Variants in TPO observed in about 807,000 individuals in gnomAD.
The protein encoded by TPO is thyroid peroxidase.
TPO carries 78 observed loss-of-function variants against 96.9 expected under a neutral mutation model. The observed-to-expected ratio is 0.81, with a 90% CI of 0.67 to 0.97. TPO has a LOEUF of 0.97. Ranked by LOEUF, TPO falls within the 50% of genes least tolerant of loss-of-function variation. The probability of loss-of-function intolerance (pLI) is 0.00; values close to 1 mark genes in which losing one functional copy is unlikely to be tolerated. For synonymous variants in TPO, 547 were observed against 538.0 expected (o/e 1.02, Z -0.23); for missense variants, 1,252 against 1,274.8 (o/e 0.98, Z 0.27).
In TPO at chr2:1,524,163, A is replaced by ACTGTGTGCAACCTCCTCAAATCCCCATC. The variant is rs549715253; in HGVS notation, c.2618+7205_2618+7232dup. Among the ~76,000 whole-genome samples the ACTGTGTGCAACCTCCTCAAATCCCCATC allele has an allele frequency of 4.0e-3, 466 of 116,976 alleles. 6 individuals carry two copies. The highest frequency in any genetic ancestry group is 0.013 in the Middle Eastern group (2 of 158). 76.7% of individuals were successfully genotyped at this position (116,976 alleles called of 152,430 possible). A position where few individuals can be genotyped will look rare whatever the true frequency, so the allele number is the denominator to read the frequency against. On this transcript the variant is annotated intron_variant, in intron 15 of 16. Coordinates refer to ENST00000329066, the MANE Select transcript of TPO (RefSeq NM_001206744.2). ...TGTGCAACCTCCCAAAATCCCCCAA[A>ACTGTGTGCAACCTCCTCAAATCCCCATC]CTGTGTGCAACCTCCTCAAATCCCC...
Position 1,487,949 on chromosome 2 carries a change from G to A in TPO, c.1726G>A (p.Ala576Thr), listed in dbSNP as rs1042215615. The change falls in exon 10 of 17, where the codon GCG (alanine) becomes ACG (threonine). Residue 576 changes from alanine to threonine, a missense_variant. Physicochemically the swap from Ala to Thr is moderately conservative, Grantham distance 58. Transcript: ENST00000329066. ...GTCCAATTCCAGCACCTTGGATCTGGCGTCCATCAACCTGCAGAGGGGCCG... is the reference window on the plus strand; with the variant it reads ...GTCCAATTCCAGCACCTTGGATCTGACGTCCATCAACCTGCAGAGGGGCCG... ...VLSNSSTLDL[A>T]SINLQRGRDH... 1 of 1,613,870 alleles carries A rather than the reference G, an allele frequency of 6.2e-7. No individual in the cohort carries two copies. Among genetic ancestry groups the A allele is most frequent in the Admixed American group, 1.7e-5 (1 of 60,002 alleles).
At chr2:1,468,398 T>A (rs2148643477) in intron 7 of TPO, among the ~76,000 whole-genome samples, 1 of 152,290 alleles carries the variant, frequency 6.6e-6, no homozygotes, top group Non-Finnish European at 1.5e-5. Flanking sequence ...AGTGCTGCCT[T>A]GGTAGGGGTG....
At chr2:1,520,374 G>A (rs1195065646) in intron 15 of TPO, among the ~76,000 whole-genome samples, 1 of 152,174 alleles carries the variant, frequency 6.6e-6, no homozygotes, top group African/African-American at 2.4e-5. Context: ...AACAGAGAGG[G>A]ATAGGAAGAA....
intron 8 of TPO, among the ~76,000 whole-genome samples, chr2:1,479,256 G>T (rs11678545): frequency 6.6e-6 from 1 of 152,146 alleles, no homozygotes; most frequent in South Asian, 2.1e-4. Context: ...GGCCTTCGGC[G>T]CTCCTGTCTG....
intron 8 of TPO, among the ~76,000 whole-genome samples, chr2:1,479,529 C>T (rs926604885): frequency 2.6e-5 from 4 of 152,164 alleles, no homozygotes; most frequent in African/African-American, 9.7e-5. Flanking sequence ...GCCTCTGATC[C>T]CTGGAGCCCG....
intron 7 of TPO, among the ~76,000 whole-genome samples, chr2:1,475,265 G>A (rs1353291896): frequency 6.6e-6 from 1 of 152,038 alleles, no homozygotes; most frequent in Non-Finnish European, 1.5e-5. Flanking sequence ...TCTGAAGGGC[G>A]TGCACTGAAG....
At chr2:1,407,839 A>G (rs911126583) in intron 1 of TPO, among the ~76,000 whole-genome samples, 5 of 152,220 alleles carry the variant, frequency 3.3e-5, no homozygotes, top group African/African-American at 1.2e-4. Context: ...CACATCTTCA[A>G]GATTACACTG....
intron 13 of TPO, among the ~76,000 whole-genome samples, chr2:1,498,653 A>G (rs1672588458): frequency 6.6e-6 from 1 of 152,224 alleles, no homozygotes; most frequent in Admixed American, 6.5e-5. Flanking sequence ...AGTGCCCCAG[A>G]GAACAGCAGA....
chr2:1,391,825 T>C (rs1344540612), intron 1 of TPO, among the ~76,000 whole-genome samples: 2 of 152,222 alleles, frequency 1.3e-5, no homozygotes, highest in African/African-American at 2.4e-5. Flanking sequence ...TTGTCTGTTG[T>C]TGGTGTACAG....
At chr2:1,388,572 T>C (rs1033047175) in intron 1 of TPO, among the ~76,000 whole-genome samples, 4 of 152,202 alleles carry the variant, frequency 2.6e-5, no homozygotes, top group Admixed American at 6.5e-5. Context: ...CGCAGTATTA[T>C]GGTGGGAGTG....
intron 2 of TPO, among the ~76,000 whole-genome samples, chr2:1,422,739 C>T (rs1017659280): frequency 1.3e-5 from 2 of 152,148 alleles, no homozygotes; most frequent in Admixed American, 6.5e-5. Flanking sequence ...GCTCAGGTAA[C>T]CAGTGATGAA....
chr2:1,475,069 T>A (rs1230124019), intron 7 of TPO, among the ~76,000 whole-genome samples: 1 of 152,270 alleles, frequency 6.6e-6, no homozygotes, highest in Non-Finnish European at 1.5e-5. Flanking sequence ...TGAATTTTCT[T>A]AACAAGTGAG....
chr2:1,428,332 G>A (rs1236137360), intron 3 of TPO, among the ~76,000 whole-genome samples: 4 of 152,176 alleles, frequency 2.6e-5, no homozygotes, highest in Admixed American at 2.6e-4. Flanking sequence ...ACCTTTCCAG[G>A]CTCTCCTGAA....
chr2:1,390,855 T>G (rs1284193072), intron 1 of TPO, among the ~76,000 whole-genome samples: 1 of 152,232 alleles, frequency 6.6e-6, no homozygotes, highest in Non-Finnish European at 1.5e-5. Context: ...TCTGTTCATA[T>G]CCTTTGCCTA....
intron 15 of TPO, among the ~76,000 whole-genome samples, chr2:1,534,868 CTG>C (rs1241839312): frequency 1.4e-5 from 2 of 144,594 alleles, no homozygotes; most frequent in African/African-American, 5.1e-5. Flanking sequence ...AATCCCACCA[CTG>C]TGCACAACCT....
chr2:1,477,037 A>G, intron 7 of TPO, 49 bp from the exon 8 acceptor site: 1 of 1,576,658 alleles, frequency 6.3e-7, no homozygotes, highest in African/African-American at 1.3e-5. Context: ...GAGTCTTACA[A>G]AGGGTGCACG....
upstream of TPO, among the ~76,000 whole-genome samples, chr2:1,410,974 G>A (rs969494457): frequency 2.0e-5 from 3 of 152,032 alleles, no homozygotes; most frequent in African/African-American, 7.3e-5. Context: ...AGAGACTGGG[G>A]GCTTCAGCCA....
At chr2:1,499,822 C>A (rs1005257970) in intron 13 of TPO, among the ~76,000 whole-genome samples, 3 of 152,228 alleles carry the variant, frequency 2.0e-5, no homozygotes, top group Non-Finnish European at 2.9e-5. Context: ...TTTCCGTAGC[C>A]ATTTAATCTG....
intron 15 of TPO, among the ~76,000 whole-genome samples, chr2:1,521,873 C>T (rs1398412825): frequency 6.6e-6 from 1 of 152,006 alleles, no homozygotes; most frequent in East Asian, 1.9e-4. Flanking sequence ...CAAGGACAGC[C>T]TCCCACCCCA....
Sources: gnomAD v4.1 joint callset for allele counts (sites outside exome capture counted in the v4.1 genomes callset) on GRCh38, gnomAD v4.1.1 for gene constraint, MANE v1.5 for transcripts, NCBI Gene and HGNC (gene_info 2026-07-23, HGNC 2026-07-21) for gene names.